Variants in CENPQ observed in about 807,000 individuals in gnomAD.
The protein encoded by CENPQ is chromosome 6 open reading frame 139.
Under a neutral mutation model 36.6 loss-of-function variants are expected in CENPQ, and 27 were observed. The observed-to-expected ratio is 0.74, with a 90% confidence interval of 0.54 to 1.02. CENPQ has a LOEUF of 1.02. Among genes scored for constraint, CENPQ ranks in the 50% least tolerant of loss-of-function variants. The probability of loss-of-function intolerance (pLI) is 0.00; values close to 1 mark genes in which losing one functional copy is unlikely to be tolerated. For missense variants in CENPQ, 306 were observed against 301.8 expected, an observed-to-expected ratio of 1.01 and a Z score of -0.10; for synonymous variants, 101 against 101.7, an observed-to-expected ratio of 0.99 and a Z score of 0.04.
chr6:49,473,534 A>G (rs558593805), intron 5 of CENPQ, among the ~76,000 whole-genome samples: 1 of 152,314 alleles, frequency 6.6e-6, no homozygotes, highest in South Asian at 2.1e-4. Flanking sequence ...TAAACATGGA[A>G]AGGAAAAACC....
Position 49,488,588 on chromosome 6 carries a change from T to C in CENPQ, c.598-19T>C. On this transcript the variant is annotated intron_variant, in intron 7 of 8. Transcript: ENST00000335783. Reference sequence around the variant, plus strand: ...GAAATCAGCTTTTTGAAATAATCTGTAGCTTTCTTCTACTTTAGATGCATC... The same window carrying C: ...GAAATCAGCTTTTTGAAATAATCTGCAGCTTTCTTCTACTTTAGATGCATC... 6.2e-7 allele frequency: 1 copy of C among 1,606,554 alleles called. No homozygotes were observed. The highest frequency in any genetic ancestry group is 1.1e-5 in the South Asian group (1 of 90,652).
chr6:49,474,915 G>A (rs940889749), intron 5 of CENPQ, among the ~76,000 whole-genome samples: 1 of 152,084 alleles, frequency 6.6e-6, no homozygotes, highest in Non-Finnish European at 1.5e-5. Flanking sequence ...TAGAAGAAAT[G>A]GATAAATTCC....
At chr6:49,467,506 A>T (rs1341659037) in intron 1 of CENPQ, among the ~76,000 whole-genome samples, 2 of 152,162 alleles carry the variant, frequency 1.3e-5, no homozygotes, top group South Asian at 4.1e-4. Flanking sequence ...AGTCTTTTTT[A>T]AAAAAATACT....
At chr6:49,481,417 C>T (rs998919385) in intron 6 of CENPQ, among the ~76,000 whole-genome samples, 6 of 152,030 alleles carry the variant, frequency 3.9e-5, no homozygotes, top group African/African-American at 1.5e-4. Context: ...TTGTTCCTCC[C>T]GGTGGGTTTC....
chr6:49,470,919 C>T (rs1480665786), intron 2 of CENPQ, 55 bp from the exon 3 acceptor site: 1 of 977,128 alleles, frequency 1.0e-6, no homozygotes, highest in Admixed American at 2.6e-5. Flanking sequence ...AAAGCAGGAT[C>T]CTTTTATCTG....
chr6:49,488,631 G>T lies in CENPQ; in HGVS notation c.622G>T (p.Val208Leu). ...GATGCATCAAATAAATAGTAGTGGA[G>T]TACTCTCTCTTCCGGAACTTTCTCA... ...KQMHQINSSG[V>L]LSLPELSQKT... The change falls in exon 8 of 9, where the codon GTA becomes TTA. Residue 208 changes from valine to leucine, a missense_variant. By Grantham distance (32) the Val-to-Leu change is conservative. Transcript: ENST00000335783. 1.2e-6 allele frequency: 2 copies of T among 1,613,598 alleles called. No individual in the cohort carries two copies. The highest frequency in any genetic ancestry group is 1.7e-6 in the Non-Finnish European group (2 of 1,179,594).
chr6:49,477,818 C>A (rs1768338010), intron 5 of CENPQ, among the ~76,000 whole-genome samples: 1 of 151,686 alleles, frequency 6.6e-6, no homozygotes, highest in Non-Finnish European at 1.5e-5. Flanking sequence ...GGTATAGCAG[C>A]CTATTATTAA....
At chr6:49,477,441 G>A in intron 5 of CENPQ, among the ~76,000 whole-genome samples, 1 of 129,718 alleles carries the variant, frequency 7.7e-6, no homozygotes, top group Admixed American at 8.3e-5. Flanking sequence ...GAGGGGGAGG[G>A]ATAGAATTAG....
At position 49,472,089 on chromosome 6, in the gene CENPQ, C is replaced by T; in HGVS notation, c.184C>T (p.His62Tyr). The T allele has an allele frequency of 1.9e-6, 3 of 1,612,446 alleles. No homozygotes were observed. The highest frequency in any genetic ancestry group is 1.1e-5 in the South Asian group (1 of 90,828). The change falls in exon 4 of 9, where the codon CAC (histidine) becomes TAC (tyrosine). Residue 62 changes from histidine (H) to tyrosine (Y), a missense_variant. Coordinates refer to ENST00000335783, the MANE Select transcript of CENPQ (RefSeq NM_018132.4). Reference sequence around the variant, plus strand: ...ACAAACAAAGCACACTAACCTAAAACACGGAAAGACAGCAGCCAGCAAGAG... The same window carrying T: ...ACAAACAAAGCACACTAACCTAAAATACGGAAAGACAGCAGCCAGCAAGAG... The part of the protein sequence containing the change: ...EGQTKHTNLK[H>Y]GKTAASKRKT...
chr6:49,467,421 G>A lies in CENPQ; in HGVS notation c.-18-2738G>A, dbSNP rs546067237. Among the ~76,000 whole-genome samples, 204 of 152,282 alleles carry A rather than the reference G, an allele frequency of 1.3e-3. 2 individuals are homozygous for A. The highest frequency in any genetic ancestry group is 4.8e-3 in the African/African-American group (198 of 41,532). The stretch of plus-strand genomic sequence containing the variant: ...AATACTAGAGGTTGCAGGGAATGGG[G>A]AAGGGCAGGGATTATATAAGAAGTT... On this transcript the variant is annotated intron_variant, in intron 1 of 8. Transcript: ENST00000335783.
Position 49,492,319 on chromosome 6 carries a change from G to T in CENPQ, c.*44G>T. On this transcript the variant is annotated 3_prime_UTR_variant, in exon 9 of 9. Transcript: ENST00000335783. ...ATTGTTCCATATTAATTTAATGTTCGTGAATTTGTAAAACTGTTAACCTAT... is the reference window on the plus strand; with the variant it reads ...ATTGTTCCATATTAATTTAATGTTCTTGAATTTGTAAAACTGTTAACCTAT... 6.6e-7 allele frequency: 1 copy of T among 1,505,426 alleles called. No individual in the cohort carries two copies. Among genetic ancestry groups the T allele is most frequent in the South Asian group, 1.3e-5 (1 of 78,866 alleles). The allele number at this position is 1,505,426 out of a possible 1,614,324, so 93.3% of individuals were successfully genotyped here.
intron 5 of CENPQ, among the ~76,000 whole-genome samples, chr6:49,478,775 G>T (rs191881695): frequency 6.4e-4 from 98 of 152,230 alleles, no homozygotes; most frequent in African/African-American, 2.3e-3. Flanking sequence ...AGACAAGTTT[G>T]CTAGGCAAAC....
Position 49,469,687 on chromosome 6 carries a change from A to C in CENPQ, c.-18-472A>C, listed in dbSNP as rs140556005. ...ACATAGATTGATGGTATAATCCTAA[A>C]AAGTGTCTCCTTCCATTTTTGGCAA... On this transcript the variant is annotated intron_variant, in intron 1 of 8. Coordinates refer to ENST00000335783, the MANE Select transcript of CENPQ (RefSeq NM_018132.4). Among the ~76,000 whole-genome samples the C allele has an allele frequency of 5.6e-3, 846 of 152,292 alleles. 5 individuals are homozygous for C. The highest frequency in any genetic ancestry group is 0.018 in the African/African-American group (752 of 41,574).
chr6:49,490,796 A>G (rs1028186348), intron 8 of CENPQ, among the ~76,000 whole-genome samples: 1 of 152,144 alleles, frequency 6.6e-6, no homozygotes, highest in Non-Finnish European at 1.5e-5. Flanking sequence ...AGAGGGAGAG[A>G]AACTGGGAAA....
At chr6:49,488,271 G>A (rs1324037864) in intron 6 of CENPQ, 81 bp from the exon 7 acceptor site, 4 of 1,051,936 alleles carry the variant, frequency 3.8e-6, no homozygotes, top group Non-Finnish European at 4.1e-6. Context: ...TTTTTAAAAT[G>A]TGTATGTATA....
chr6:49,475,156 G>A (rs1441698199), intron 5 of CENPQ, among the ~76,000 whole-genome samples: 3 of 151,922 alleles, frequency 2.0e-5, no homozygotes, highest in Non-Finnish European at 1.5e-5. Context: ...CGATATCCCT[G>A]ATGAACATTG....
chr6:49,492,398 C>A lies in CENPQ; in HGVS notation c.*123C>A. On this transcript the variant is annotated 3_prime_UTR_variant, in exon 9 of 9. Transcript: ENST00000335783. ...GCAGGATTTATTATCTCCTGATATG[C>A]ACTTTAAAATTAGTCTTTGTAGTTC... is the stretch of plus-strand genomic sequence containing the variant. 3 of 825,642 alleles carry A rather than the reference C, an allele frequency of 3.6e-6. No individual in the cohort carries two copies. The highest frequency in any genetic ancestry group is 5.3e-6 in the Non-Finnish European group (3 of 563,908). The allele number at this position is 825,642 out of a possible 1,614,324, so 51.1% of individuals were successfully genotyped here.
intron 1 of CENPQ, among the ~76,000 whole-genome samples, chr6:49,464,479 T>A (rs1767949351): frequency 6.6e-6 from 1 of 152,202 alleles, no homozygotes. Flanking sequence ...TGTACAGCAG[T>A]TGACTCTTCC....
At chr6:49,476,136 A>G (rs1373590078) in intron 5 of CENPQ, among the ~76,000 whole-genome samples, 2 of 152,206 alleles carry the variant, frequency 1.3e-5, no homozygotes, top group Non-Finnish European at 2.9e-5. Context: ...AGCAAAAAGA[A>G]CAAAGCTGGA....
Sources: gnomAD v4.1 joint callset for allele counts (sites outside exome capture counted in the v4.1 genomes callset) on GRCh38, gnomAD v4.1.1 for gene constraint, MANE v1.5 for transcripts, NCBI Gene and HGNC (gene_info 2026-07-23, HGNC 2026-07-21) for gene names.